Variants in RARB observed in about 807,000 individuals in gnomAD.
The protein encoded by RARB is retinoic acid receptor beta.
Under a neutral mutation model 51.9 loss-of-function variants are expected in RARB, and 17 were observed. The observed-to-expected ratio is 0.33, with a 90% CI of 0.22 to 0.49. The LOEUF is 0.49. RARB is among the 20% of genes least tolerant of loss of function. The pLI, the probability that RARB is intolerant of heterozygous loss-of-function variation, is 0.99. For missense variants in RARB, 369 were observed against 550.8 expected (o/e 0.67, Z 3.30); for synonymous variants, 215 against 195.4 (o/e 1.10, Z -0.84).
intron 2 of RARB, among the ~76,000 whole-genome samples, chr3:24,868,281 A>G (rs1355113481): frequency 6.6e-6 from 1 of 152,180 alleles, no homozygotes; most frequent in Non-Finnish European, 1.5e-5. Flanking sequence ...GTAATACACA[A>G]CAAGAATAGA....
intron 4 of RARB, among the ~76,000 whole-genome samples, chr3:25,162,715 A>G (rs1213147760): frequency 6.6e-6 from 1 of 152,190 alleles, no homozygotes; most frequent in Non-Finnish European, 1.5e-5. Flanking sequence ...CTGTAGCATA[A>G]TGTTTTCAAG....
intron 5 of RARB, among the ~76,000 whole-genome samples, chr3:25,297,402 CTTTTTTTTTTTTTTT>C (rs67843073): frequency 9.5e-5 from 6 of 63,428 alleles, no homozygotes; most frequent in African/African-American, 2.0e-4. Context: ...AGAAGGTATT[CTTTTTTTTTTTTTTT>C]TTTTTTTTTT....
chr3:25,059,396 C>T (rs947476341), intron 2 of RARB, among the ~76,000 whole-genome samples: 3 of 151,628 alleles, frequency 2.0e-5, no homozygotes, highest in Admixed American at 6.6e-5. Flanking sequence ...AAAACCATAC[C>T]GATATACACT....
chr3:25,461,065 T>C (rs1695154942), intron 1 of RARB, 128 bp from the exon 2 acceptor site: 1 of 1,106,200 alleles, frequency 9.0e-7, no homozygotes, highest in Non-Finnish European at 1.3e-6. Flanking sequence ...ACAGCTGTTT[T>C]TATGAGCCCA....
rs1296031704 is a variant in RARB, at chr3:25,295,561, T to A, written c.178+120986T>A. Among the ~76,000 whole-genome samples, 3 of 152,210 alleles carry A rather than the reference T, an allele frequency of 2.0e-5. No homozygotes were observed. In the East Asian group the frequency reaches 5.8e-4, roughly 29 times the overall value. ...CTGGACAAACTAAGACATTAACCTC[T>A]CTGGTCTCTTGTTTGTATGATGGGA... On this transcript the variant is annotated intron_variant, in intron 5 of 11. Coordinates refer to the RARB transcript ENST00000383772.
chr3:24,970,286 T>G (rs1055790177), intron 2 of RARB, among the ~76,000 whole-genome samples: 3 of 152,064 alleles, frequency 2.0e-5, no homozygotes, highest in South Asian at 2.1e-4. Context: ...TAAGAAAGTT[T>G]GAGGTGTAGG....
chr3:25,009,974 C>T (rs1697359170), intron 2 of RARB, among the ~76,000 whole-genome samples: 1 of 152,088 alleles, frequency 6.6e-6, no homozygotes, highest in African/African-American at 2.4e-5. Flanking sequence ...TAAAAGCCAG[C>T]CTGTCTCATT....
chr3:25,435,245 G>T (rs191227875), intron 1 of RARB, among the ~76,000 whole-genome samples: 2 of 152,090 alleles, frequency 1.3e-5, no homozygotes, highest in African/African-American at 4.8e-5. Flanking sequence ...ATAAAATTTT[G>T]TCAAGTCAAA....
intron 2 of RARB, among the ~76,000 whole-genome samples, chr3:24,862,076 A>G (rs926931382): frequency 2.0e-5 from 3 of 152,192 alleles, no homozygotes; most frequent in East Asian, 1.9e-4. Flanking sequence ...TAACATTTCC[A>G]ATGGTAGCAC....
chr3:24,997,526 T>G (rs6769630), intron 2 of RARB, among the ~76,000 whole-genome samples: 1 of 151,798 alleles, frequency 6.6e-6, no homozygotes, highest in African/African-American at 2.4e-5. Flanking sequence ...CCTTAATTTC[T>G]TATTGTTTAT....
chr3:25,387,664 A>G (rs184304818), intron 5 of RARB, among the ~76,000 whole-genome samples: 7 of 151,454 alleles, frequency 4.6e-5, no homozygotes, highest in Non-Finnish European at 8.8e-5. Flanking sequence ...CTGTGAGTGT[A>G]AAGTGGCTCA....
chr3:25,388,258 T>A (rs1383408776), intron 5 of RARB, among the ~76,000 whole-genome samples: 1 of 152,210 alleles, frequency 6.6e-6, no homozygotes, highest in Non-Finnish European at 1.5e-5. Flanking sequence ...TTCTAAATAA[T>A]CAATTTACAA....
chr3:25,327,049 C>T (rs1269479673), intron 5 of RARB, among the ~76,000 whole-genome samples: 1 of 151,698 alleles, frequency 6.6e-6, no homozygotes, highest in Non-Finnish European at 1.5e-5. Flanking sequence ...TCCATGTGTT[C>T]TCATTGTTCA....
intron 2 of RARB, among the ~76,000 whole-genome samples, chr3:24,953,812 G>A (rs140569481): frequency 1.5e-3 from 229 of 152,084 alleles, no homozygotes; most frequent in African/African-American, 5.1e-3. Flanking sequence ...ATGGTGTGCC[G>A]TGCCCATTCA....
intron 3 of RARB, among the ~76,000 whole-genome samples, chr3:25,095,711 G>T (rs947543965): frequency 1.3e-5 from 2 of 152,110 alleles, no homozygotes; most frequent in Non-Finnish European, 2.9e-5. Flanking sequence ...TCTTTCTGGG[G>T]GTGGCCAGAG....
At chr3:24,900,481 A>G (rs537055163) in intron 2 of RARB, among the ~76,000 whole-genome samples, 1 of 152,336 alleles carries the variant, frequency 6.6e-6, no homozygotes, top group South Asian at 2.1e-4. Flanking sequence ...CACATGAAGT[A>G]TTGCTGGAGC....
chr3:25,191,160 A>T (rs181739150), intron 5 of RARB, among the ~76,000 whole-genome samples: 2 of 152,274 alleles, frequency 1.3e-5, no homozygotes, highest in African/African-American at 4.8e-5. Context: ...TGAAAAAAAT[A>T]GGGGAAAGTT....
Position 25,330,993 on chromosome 3 carries a change from C to T in RARB, c.179-130200C>T, listed in dbSNP as rs186525051. On this transcript the variant is annotated intron_variant, in intron 5 of 11. Transcript: ENST00000383772. The stretch of plus-strand genomic sequence containing the variant: ...GAGTTAACTGTGCTAAATATATATG[C>T]ACCCAATACAGGAGCACCCAGATTC... Among the ~76,000 whole-genome samples, 176 of 152,250 alleles carry T rather than the reference C, an allele frequency of 1.2e-3. 1 individual carries two copies. The highest frequency in any genetic ancestry group is 2.2e-3 in the Admixed American group (34 of 15,292).
chr3:25,049,786 A>G (rs966472366), intron 2 of RARB, among the ~76,000 whole-genome samples: 1 of 152,226 alleles, frequency 6.6e-6, no homozygotes, highest in Non-Finnish European at 1.5e-5. Context: ...ATTCCCTGCA[A>G]ATTTCATCAG....
Sources: allele counts gnomAD v4.1 joint callset (sites outside exome capture counted in the v4.1 genomes callset), GRCh38; gene constraint gnomAD v4.1.1; transcripts MANE v1.5; gene names NCBI Gene and HGNC (gene_info 2026-07-23, HGNC 2026-07-21).